FAM178B: variants seen among roughly 807,000 people sequenced by gnomAD.
FAM178B encodes protein FAM178B.
FAM178B carries 82 observed loss-of-function variants against 91.7 expected under a neutral mutation model. The observed-to-expected ratio is 0.89, with a 90% CI of 0.75 to 1.07. The LOEUF (loss-of-function observed/expected upper bound fraction) is 1.07. FAM178B is among the 50% of genes least tolerant of loss of function. The pLI is 0.00. For synonymous variants in FAM178B, 368 were observed against 359.4 expected (o/e 1.02, Z -0.27); for missense variants, 769 against 846.7 (o/e 0.91, Z 1.14).
chr2:96,898,521 G>T (rs547888171), intron 13 of FAM178B, among the ~76,000 whole-genome samples: 9 of 152,294 alleles, frequency 5.9e-5, no homozygotes, highest in Admixed American at 4.6e-4. Context: ...AGGTGTGGTG[G>T]TGCACGCCCA....
chr2:96,895,169 A>G, intron 13 of FAM178B: 4 of 1,219,420 alleles, frequency 3.3e-6, no homozygotes, highest in Non-Finnish European at 4.3e-6. Flanking sequence ...AAGCAAATAC[A>G]TCGTATCGTT....
In FAM178B at chr2:96,908,141, G is replaced by A. The variant is rs534398035; in HGVS notation, c.1563-5434C>T. On this transcript the variant is annotated intron_variant, in intron 12 of 16. Transcript: ENST00000490605. The stretch of plus-strand genomic sequence containing the variant: ...GGCTTAGAAGCTGGTTGTCCCTCCC[G>A]GGGGTCTGCAAGCCCACAGCCACCA... Among the ~76,000 whole-genome samples the A allele has an allele frequency of 7.2e-5, 11 of 152,300 alleles. No homozygotes were observed. In the East Asian group the frequency reaches 1.5e-3, roughly 21 times the overall value.
intron 14 of FAM178B, among the ~76,000 whole-genome samples, chr2:96,885,612 G>C (rs1006526569): frequency 6.6e-6 from 1 of 152,212 alleles, no homozygotes; most frequent in East Asian, 1.9e-4. Context: ...TCCTCCATCC[G>C]CCGGCTGGTG....
chr2:96,985,828 A>G (rs2153376773), intron 1 of FAM178B, among the ~76,000 whole-genome samples: 1 of 152,320 alleles, frequency 6.6e-6, no homozygotes, highest in East Asian at 1.9e-4. Context: ...CGTTCTACCC[A>G]CAAAGAAAAC....
intron 5 of FAM178B, 31 bp downstream of exon 5, chr2:96,967,489 C>T (rs751060157): frequency 1.8e-5 from 26 of 1,417,572 alleles, no homozygotes; most frequent in Middle Eastern, 1.7e-4. Flanking sequence ...CTTTCCCCTT[C>T]GGAGGCTGGT....
rs774409718 is a variant in FAM178B, at chr2:96,971,968, C to A, written c.497G>T (p.Gly166Val). The change falls in exon 3 of 17, where the codon GGC (glycine) becomes GTC (valine). Residue 166 changes from glycine to valine, a missense_variant. Coordinates refer to ENST00000490605, the MANE Select transcript of FAM178B (RefSeq NM_001122646.3). ...GAACAGCTTCTCTGGCAAGGCCAGGCCCCTCTTCGGGTCCAAGTCCAGGTG... is the reference window on the plus strand; with the variant it reads ...GAACAGCTTCTCTGGCAAGGCCAGGACCCTCTTCGGGTCCAAGTCCAGGTG... ...QEHLDLDPKR[G>V]LALPEKLFWN... is the part of the protein sequence containing the mutation. 2 of 1,560,374 alleles carry A rather than the reference C, an allele frequency of 1.3e-6. No individual in the cohort carries two copies. The highest frequency in any genetic ancestry group is 1.7e-6 in the Non-Finnish European group (2 of 1,152,442).
chr2:96,978,973 AC>A (rs1229756693), intron 1 of FAM178B, among the ~76,000 whole-genome samples: 2 of 44,220 alleles, frequency 4.5e-5, no homozygotes, highest in Non-Finnish European at 6.6e-5. Flanking sequence ...TGTATGTATC[AC>A]TTTTTTTTTT....
rs533170654 is a variant in FAM178B, at chr2:96,958,969, G to A, written c.887+1319C>T. The stretch of plus-strand genomic sequence containing the variant: ...TAATCCCAGCACTTTGGGAGGCCGA[G>A]GTGGGCAGATCACAAGGTCAGGAAT... On this transcript the variant is annotated intron_variant, in intron 6 of 16. Transcript: ENST00000490605. Among the ~76,000 whole-genome samples, 9 of 151,802 alleles carry A rather than the reference G, an allele frequency of 5.9e-5. No individual in the cohort carries two copies. The East Asian group carries it at 1.7e-3, about 29-fold the overall frequency.
chr2:96,922,375 A>T (rs1300518924), intron 10 of FAM178B, among the ~76,000 whole-genome samples: 1 of 152,192 alleles, frequency 6.6e-6, no homozygotes, highest in Non-Finnish European at 1.5e-5. Context: ...TTTGAGACAG[A>T]GTCTTGCTCT....
intron 6 of FAM178B, among the ~76,000 whole-genome samples, chr2:96,959,464 A>G (rs952452944): frequency 1.3e-5 from 2 of 152,226 alleles, no homozygotes; most frequent in Non-Finnish European, 2.9e-5. Context: ...TGAAATAAAC[A>G]TAAGCCCTGT....
chr2:96,884,463 G>A (rs985810904), intron 14 of FAM178B, among the ~76,000 whole-genome samples: 2 of 152,190 alleles, frequency 1.3e-5, no homozygotes, highest in Admixed American at 1.3e-4. Flanking sequence ...TGCAGGCTGG[G>A]CCCCCGGGGC....
At chr2:96,894,204 C>G (rs993100559) in intron 13 of FAM178B, among the ~76,000 whole-genome samples, 153 bp from the exon 14 acceptor site, 6 of 151,892 alleles carry the variant, frequency 4.0e-5, no homozygotes, top group African/African-American at 1.5e-4. Context: ...TGAACTGTGG[C>G]CTCTCGGATC....
At chr2:96,969,633 G>A (rs995936919) in intron 4 of FAM178B, among the ~76,000 whole-genome samples, 3 of 152,204 alleles carry the variant, frequency 2.0e-5, no homozygotes, top group African/African-American at 4.8e-5. Context: ...ATTTTCAAGC[G>A]TCTACTAAAT....
intron 12 of FAM178B, among the ~76,000 whole-genome samples, chr2:96,917,101 C>T (rs910384724): frequency 2.6e-5 from 4 of 152,256 alleles, no homozygotes; most frequent in African/African-American, 7.2e-5. Flanking sequence ...GCGGAAACGG[C>T]GGGTACGTGC....
At chr2:96,947,769 G>A in intron 8 of FAM178B, 49 bp downstream of exon 8, 2 of 1,116,074 alleles carry the variant, frequency 1.8e-6, no homozygotes. Context: ...ACGTATCACA[G>A]GCTTGGGAGC....
chr2:96,915,645 G>A (rs1419828942), intron 12 of FAM178B, among the ~76,000 whole-genome samples: 2 of 151,528 alleles, frequency 1.3e-5, no homozygotes, highest in African/African-American at 4.8e-5. Flanking sequence ...GAGAAACCTC[G>A]TCTCTACTAA....
At chr2:96,885,975 G>C (rs1046458097) in intron 14 of FAM178B, among the ~76,000 whole-genome samples, 1 of 151,678 alleles carries the variant, frequency 6.6e-6, no homozygotes, top group African/African-American at 2.4e-5. Context: ...ACCTGACAGA[G>C]CAATGGTTTC....
intron 9 of FAM178B, among the ~76,000 whole-genome samples, chr2:96,925,439 G>A (rs980811786): frequency 6.6e-5 from 10 of 152,154 alleles, no homozygotes; most frequent in African/African-American, 9.7e-5. Context: ...TCTAATCCTC[G>A]CTTTTCAGAG....
intron 3 of FAM178B, 117 bp from the exon 4 acceptor site, chr2:96,970,894 C>G: frequency 2.5e-6 from 2 of 796,354 alleles, no homozygotes; most frequent in Non-Finnish European, 4.1e-6. Flanking sequence ...TGAAAAGATA[C>G]TATGTTTACA....
Sources: gnomAD v4.1 joint callset for allele counts (sites outside exome capture counted in the v4.1 genomes callset) on GRCh38, gnomAD v4.1.1 for gene constraint, MANE v1.5 for transcripts, NCBI Gene and HGNC (gene_info 2026-07-23, HGNC 2026-07-21) for gene names.